LDLRAD3: variants seen among roughly 807,000 people sequenced by gnomAD.
LDLRAD3 encodes the protein low density lipoprotein receptor class A domain containing 3, also known as low-density lipoprotein receptor class A domain-containing protein 3.
LDLRAD3 carries 20 observed loss-of-function variants against 29.4 expected under a neutral mutation model. The observed-to-expected ratio is 0.68, with a 90% confidence interval of 0.48 to 0.99. The LOEUF is 0.99. Among genes scored for constraint, LDLRAD3 ranks in the 50% least tolerant of loss-of-function variants. The pLI is 0.00. For missense variants in LDLRAD3, 420 were observed against 454.3 expected (o/e 0.92, Z 0.69); for synonymous variants, 157 against 192.7 (o/e 0.81, Z 1.53).
chr11:36,126,201 G>A (rs534926323), intron 4 of LDLRAD3, among the ~76,000 whole-genome samples: 22 of 152,216 alleles, frequency 1.4e-4, no homozygotes, highest in African/African-American at 5.3e-4. Flanking sequence ...GTCTGCTGCT[G>A]GTCCCCGCTG....
chr11:35,969,552 TA>T (rs1851386259), intron 1 of LDLRAD3, among the ~76,000 whole-genome samples: 1 of 152,216 alleles, frequency 6.6e-6, no homozygotes, highest in South Asian at 2.1e-4. Flanking sequence ...CATGATTTAT[TA>T]ATCACTTCCT....
chr11:36,101,234 T>C (rs893925511), intron 4 of LDLRAD3, among the ~76,000 whole-genome samples: 1 of 152,148 alleles, frequency 6.6e-6, no homozygotes, highest in Non-Finnish European at 1.5e-5. Flanking sequence ...TGCCCACTTG[T>C]GGAAGGCATT....
chr11:35,994,050 G>A (rs1851721325), intron 1 of LDLRAD3, among the ~76,000 whole-genome samples: 1 of 152,096 alleles, frequency 6.6e-6, no homozygotes, highest in Non-Finnish European at 1.5e-5. Context: ...AGAAGCTTCT[G>A]ATTAGTTAGG....
chr11:36,140,020 G>A (rs1212534159), intron 4 of LDLRAD3, among the ~76,000 whole-genome samples: 1 of 152,214 alleles, frequency 6.6e-6, no homozygotes, highest in Non-Finnish European at 1.5e-5. Flanking sequence ...CTCTTATTGG[G>A]CTAAGCACCA....
chr11:36,028,443 T>A (rs1852194498), intron 1 of LDLRAD3, among the ~76,000 whole-genome samples: 1 of 152,176 alleles, frequency 6.6e-6, no homozygotes, highest in Non-Finnish European at 1.5e-5. Flanking sequence ...GTCATTTTCT[T>A]ATTTTACATA....
intron 2 of LDLRAD3, among the ~76,000 whole-genome samples, chr11:36,052,104 T>C (rs1499512): frequency 0.53 from 80,672 of 152,052 alleles, 23,174 homozygotes; most frequent in Non-Finnish European, 0.66. Flanking sequence ...AGGAAGTTGG[T>C]TGGACAAATC....
chr11:36,020,696 G>T (rs1290194971), intron 1 of LDLRAD3, among the ~76,000 whole-genome samples: 1 of 152,126 alleles, frequency 6.6e-6, no homozygotes, highest in Non-Finnish European at 1.5e-5. Flanking sequence ...TCTGAGTGGG[G>T]GCTTGTACAT....
At chr11:36,191,599 T>TATACAC (rs1554972506) in intron 4 of LDLRAD3, among the ~76,000 whole-genome samples, 8 of 93,132 alleles carry the variant, frequency 8.6e-5, no homozygotes, top group African/African-American at 3.1e-4. Flanking sequence ...TATATATATA[T>TATACAC]ACACACACAC....
rs373384600 is a variant in LDLRAD3 at position 35,986,287 on chromosome 11, C to T, written c.46+42143C>T. 3.5e-4 allele frequency among the ~76,000 whole-genome samples: 54 copies of T among 152,214 alleles called. No individual in the cohort carries two copies. The East Asian group carries it at 6.9e-3, about 20-fold the overall frequency. On this transcript the variant is annotated intron_variant, in intron 1 of 5. Transcript: ENST00000315571. ...TGGTTAAAGGAGAGATAATTTATTT[C>T]GTTTTATTTTTGTGTCTCTTTGATA... is the stretch of plus-strand genomic sequence containing the variant.
chr11:36,127,141 CTT>C (rs902568569), intron 4 of LDLRAD3, among the ~76,000 whole-genome samples: 1 of 152,102 alleles, frequency 6.6e-6, no homozygotes, highest in African/African-American at 2.4e-5. Flanking sequence ...ATCTTGCAAT[CTT>C]AATATAGAAG....
At chr11:36,229,127 A>G in intron 5 of LDLRAD3, 33 bp from the exon 6 acceptor site, 1 of 1,458,160 alleles carries the variant, frequency 6.9e-7, no homozygotes. Context: ...TCCTGTCTCC[A>G]TTGCCCCTGC....
At chr11:36,003,855 A>G (rs1851853368) in intron 1 of LDLRAD3, among the ~76,000 whole-genome samples, 1 of 152,198 alleles carries the variant, frequency 6.6e-6, no homozygotes, top group African/African-American at 2.4e-5. Context: ...TGGAAGGCGA[A>G]GGGGAAGCAA....
At chr11:36,229,086 C>A in intron 5 of LDLRAD3, 74 bp from the exon 6 acceptor site, 1 of 1,036,538 alleles carries the variant, frequency 9.6e-7, no homozygotes, top group Non-Finnish European at 1.5e-6. Flanking sequence ...CTGAAGTTGG[C>A]TTATCTTGGC....
At chr11:36,035,847 GT>G (rs1852296863) in intron 1 of LDLRAD3, among the ~76,000 whole-genome samples, 1 of 152,204 alleles carries the variant, frequency 6.6e-6, no homozygotes, top group African/African-American at 2.4e-5. Context: ...AAGAAAAAAA[GT>G]CAGTGAACAC....
At chr11:36,090,524 T>C (rs16928378) in intron 3 of LDLRAD3, among the ~76,000 whole-genome samples, 6,795 of 152,170 alleles carry the variant, frequency 0.045, 396 homozygotes, top group African/African-American at 0.13. Context: ...ATACTGGACT[T>C]GTTCCCCGGA....
chr11:36,050,452 C>T (rs1852511369), intron 2 of LDLRAD3, among the ~76,000 whole-genome samples: 1 of 152,182 alleles, frequency 6.6e-6, no homozygotes, highest in Non-Finnish European at 1.5e-5. Context: ...TGTTGGATGA[C>T]AGGGAGCAGA....
intron 1 of LDLRAD3, among the ~76,000 whole-genome samples, chr11:36,018,369 C>T (rs550001830): frequency 6.6e-6 from 1 of 152,148 alleles, no homozygotes; most frequent in African/African-American, 2.4e-5. Flanking sequence ...CCTGTTCAGA[C>T]ATGTTATAAC....
intron 1 of LDLRAD3, among the ~76,000 whole-genome samples, chr11:35,961,902 A>G (rs1051658901): frequency 6.6e-6 from 1 of 152,100 alleles, no homozygotes; most frequent in Non-Finnish European, 1.5e-5. Context: ...AAACGATCCA[A>G]TTATACTCTT....
chr11:36,072,076 C>T (rs1007004470), intron 2 of LDLRAD3, among the ~76,000 whole-genome samples: 2 of 152,200 alleles, frequency 1.3e-5, no homozygotes, highest in Non-Finnish European at 2.9e-5. Flanking sequence ...TGGAACAGCT[C>T]CTCATTCGTT....
Sources: gnomAD v4.1 joint callset for allele counts (sites outside exome capture counted in the v4.1 genomes callset) on GRCh38, gnomAD v4.1.1 for gene constraint, MANE v1.5 for transcripts, NCBI Gene and HGNC (gene_info 2026-07-23, HGNC 2026-07-21) for gene names.